Variants in DLEU7 observed in about 807,000 individuals in gnomAD.
DLEU7 encodes the protein deleted in lymphocytic leukemia 7.
Under a neutral mutation model 16.0 loss-of-function variants are expected in DLEU7, and 17 were observed. The observed-to-expected ratio is 1.06, with a 90% confidence interval of 0.73 to 1.59. The LOEUF is 1.59. Among genes scored for constraint, DLEU7 ranks in the 40% most tolerant of loss-of-function variants. The pLI is 0.00. For synonymous variants in DLEU7, 113 were observed against 139.8 expected (o/e 0.81, Z 1.35); for missense variants, 308 against 314.9 (o/e 0.98, Z 0.17).
chr13:50,809,363 T>C (rs190304817), intron 1 of DLEU7, among the ~76,000 whole-genome samples: 54 of 152,290 alleles, frequency 3.5e-4, no homozygotes, highest in Admixed American at 2.0e-4. Context: ...TTGTATGCAA[T>C]TGGGGTGATA....
chr13:50,714,905 G>A (rs1873396645), intron 1 of DLEU7, among the ~76,000 whole-genome samples: 1 of 152,234 alleles, frequency 6.6e-6, no homozygotes, highest in Non-Finnish European at 1.5e-5. Flanking sequence ...TAGAAGTCCA[G>A]TGGGCGCGGC....
chr13:50,722,197 A>G (rs1398656114), intron 1 of DLEU7, among the ~76,000 whole-genome samples: 2 of 152,156 alleles, frequency 1.3e-5, no homozygotes, highest in Non-Finnish European at 2.9e-5. Flanking sequence ...GCCATGTGAC[A>G]TGCTTTGGTG....
intron 1 of DLEU7, among the ~76,000 whole-genome samples, chr13:50,793,447 C>T (rs7988851): frequency 0.39 from 58,989 of 151,916 alleles, 11,534 homozygotes; most frequent in Middle Eastern, 0.41. Context: ...CCACAGTGGC[C>T]GAACTAATTT....
At chr13:50,747,103 A>C (rs1874421013) in intron 1 of DLEU7, among the ~76,000 whole-genome samples, 1 of 152,166 alleles carries the variant, frequency 6.6e-6, no homozygotes, top group Non-Finnish European at 1.5e-5. Context: ...GAATTTTGAT[A>C]ATTTCTGAAT....
chr13:50,769,138 A>G (rs924344140), intron 1 of DLEU7, among the ~76,000 whole-genome samples: 4 of 151,842 alleles, frequency 2.6e-5, no homozygotes, highest in African/African-American at 7.3e-5. Context: ...AGATTGTTTG[A>G]TTATTTTGTT....
chr13:50,828,926 C>T (rs536785754), intron 1 of DLEU7, among the ~76,000 whole-genome samples: 1 of 152,280 alleles, frequency 6.6e-6, no homozygotes, highest in Non-Finnish European at 1.5e-5. Context: ...ATTCTTGCTT[C>T]CCTACCTTTG....
intron 1 of DLEU7, among the ~76,000 whole-genome samples, chr13:50,788,748 C>T (rs1480023495): frequency 6.6e-6 from 1 of 152,114 alleles, no homozygotes; most frequent in Non-Finnish European, 1.5e-5. Flanking sequence ...AAAATCCCTC[C>T]CACAGAAATG....
chr13:50,817,752 A>G (rs888089834), intron 1 of DLEU7, among the ~76,000 whole-genome samples: 3 of 152,122 alleles, frequency 2.0e-5, no homozygotes, highest in African/African-American at 7.2e-5. Context: ...AAAGGCCTTC[A>G]TTTAAATCAA....
intron 1 of DLEU7, among the ~76,000 whole-genome samples, chr13:50,833,459 A>G (rs1407046115): frequency 6.6e-6 from 1 of 152,248 alleles, no homozygotes; most frequent in African/African-American, 2.4e-5. Flanking sequence ...AAGAGAATAA[A>G]ATACCAAGGA....
At chr13:50,769,425 A>G (rs550801910) in intron 1 of DLEU7, among the ~76,000 whole-genome samples, 2 of 152,306 alleles carry the variant, frequency 1.3e-5, no homozygotes, top group African/African-American at 4.8e-5. Flanking sequence ...TTTTAGGTCT[A>G]ACACTTAAGT....
At chr13:50,768,344 G>C (rs1875183848) in intron 1 of DLEU7, among the ~76,000 whole-genome samples, 1 of 151,614 alleles carries the variant, frequency 6.6e-6, no homozygotes, top group East Asian at 1.9e-4. Flanking sequence ...GTGCAGGTTT[G>C]TTACATAGGT....
Position 50,843,316 on chromosome 13 carries a change from T to G in DLEU7, c.331A>C (p.Thr111Pro), listed in dbSNP as rs766503469. ...LPFPRDRGPC[T>P]LAQMAMRSAL... Reference sequence around the variant, plus strand: ...CTGCGCATCGCCATCTGGGCCAGGGTGCAGGGCCCGCGGTCCCGGGGGAAG... The same window carrying G: ...CTGCGCATCGCCATCTGGGCCAGGGGGCAGGGCCCGCGGTCCCGGGGGAAG... Residue 111 changes from threonine to proline, a missense_variant, in exon 1 of 2, where the codon ACC becomes CCC. Physicochemically the swap from Thr to Pro is conservative, Grantham distance 38. Transcript: ENST00000504404. This position sits in a 1 kb window ranked among gnomAD's most constrained non-coding sequence, Gnocchi z 5.7. 2 of 1,516,484 alleles carry G rather than the reference T, an allele frequency of 1.3e-6. No individual in the cohort carries two copies. The highest frequency in any genetic ancestry group is 4.3e-5 in the Admixed American group (2 of 46,786). The allele number at this position is 1,516,484 out of a possible 1,614,324, so 93.9% of individuals were successfully genotyped here.
intron 1 of DLEU7, chr13:50,719,669 T>A (rs943653630): frequency 3.9e-5 from 6 of 152,274 alleles, no homozygotes; most frequent in South Asian, 2.1e-4. Flanking sequence ...TCATCTTGGA[T>A]TTGAGTCGTG....
At chr13:50,790,983 C>G (rs1365914061) in intron 1 of DLEU7, among the ~76,000 whole-genome samples, 2 of 152,166 alleles carry the variant, frequency 1.3e-5, no homozygotes, top group Admixed American at 6.5e-5. Flanking sequence ...GCTACCTTCT[C>G]TCAGAGCAGA....
chr13:50,820,686 A>C (rs1400563704), downstream of DLEU7, among the ~76,000 whole-genome samples: 1 of 152,158 alleles, frequency 6.6e-6, no homozygotes, highest in South Asian at 2.1e-4. Context: ...CAGAGAGTGA[A>C]TTGTTAAGGC....
chr13:50,809,878 A>G (rs762457547), intron 1 of DLEU7, among the ~76,000 whole-genome samples: 8 of 152,162 alleles, frequency 5.3e-5, no homozygotes, highest in Non-Finnish European at 1.0e-4. Flanking sequence ...ATTCACCACA[A>G]GAAGAAAATT....
At chr13:50,732,322 A>G (rs540525099) in intron 1 of DLEU7, among the ~76,000 whole-genome samples, 34 of 152,240 alleles carry the variant, frequency 2.2e-4, no homozygotes, top group African/African-American at 7.2e-4. Context: ...AAAAAAGCTC[A>G]TGTTCGAGCT....
intron 1 of DLEU7, among the ~76,000 whole-genome samples, chr13:50,841,741 A>G (rs79390124): frequency 5.6e-4 from 56 of 100,668 alleles, no homozygotes; most frequent in Non-Finnish European, 1.1e-3. Context: ...TTGTCTCAAA[A>G]AAAAAAAAAA....
At chr13:50,763,710 C>G (rs997293555) in intron 1 of DLEU7, among the ~76,000 whole-genome samples, 23 of 152,192 alleles carry the variant, frequency 1.5e-4, no homozygotes, top group African/African-American at 5.5e-4. Context: ...AATCCTAGCT[C>G]CCGGATCTGC....
Sources: gnomAD v4.1 joint callset for allele counts (sites outside exome capture counted in the v4.1 genomes callset) on GRCh38, gnomAD v4.1.1 for gene constraint, Gnocchi (gnomAD v3.1) non-coding constraint, MANE v1.5 for transcripts, NCBI Gene and HGNC (gene_info 2026-07-23, HGNC 2026-07-21) for gene names.